Variants in UNC5D observed in about 807,000 individuals in gnomAD.
UNC5D encodes the protein netrin receptor UNC5D.
UNC5D carries 39 observed loss-of-function variants against 105.4 expected under a neutral mutation model. The observed-to-expected ratio is 0.37, with a 90% CI of 0.29 to 0.48. The LOEUF (loss-of-function observed/expected upper bound fraction) is 0.48, where lower values mean the gene tolerates loss of function less well. Among genes scored for constraint, UNC5D ranks in the 20% least tolerant of loss-of-function variants. The pLI is 0.98. For synonymous variants in UNC5D, 452 were observed against 450.4 expected (o/e 1.00, Z -0.04); for missense variants, 991 against 1,202.4 (o/e 0.82, Z 2.60).
chr8:35,685,835 T>A (rs529166525), intron 6 of UNC5D, among the ~76,000 whole-genome samples: 12 of 152,168 alleles, frequency 7.9e-5, no homozygotes, highest in Non-Finnish European at 1.8e-4. Flanking sequence ...CTATTCTTGA[T>A]TAATTGCTTT....
chr8:35,606,415 C>G (rs1044413484), intron 4 of UNC5D, among the ~76,000 whole-genome samples: 1 of 152,164 alleles, frequency 6.6e-6, no homozygotes, highest in African/African-American at 2.4e-5. Flanking sequence ...GTGCTGTTGT[C>G]TATGGCTTTC....
At chr8:35,295,777 C>T (rs1465012581) in intron 1 of UNC5D, among the ~76,000 whole-genome samples, 1 of 152,124 alleles carries the variant, frequency 6.6e-6, no homozygotes, top group Admixed American at 6.6e-5. Context: ...ATTAGCTCTC[C>T]AGAACTTCAT....
At chr8:35,347,360 T>A (rs542528358) in intron 1 of UNC5D, among the ~76,000 whole-genome samples, 1 of 152,092 alleles carries the variant, frequency 6.6e-6, no homozygotes, top group African/African-American at 2.4e-5. Context: ...ATTTTGAGGA[T>A]TTTGCTTACA....
intron 1 of UNC5D, among the ~76,000 whole-genome samples, chr8:35,237,046 T>C (rs940424095): frequency 6.6e-6 from 1 of 152,130 alleles, no homozygotes; most frequent in Non-Finnish European, 1.5e-5. Flanking sequence ...CAATGTTATC[T>C]CATTTTTATA....
At chr8:35,727,721 G>A (rs1828952641) in intron 10 of UNC5D, 1 of 152,130 alleles carries the variant, frequency 6.6e-6, no homozygotes, top group South Asian at 2.1e-4. Context: ...ATTGGTCAAT[G>A]TTTTAGGACA....
At chr8:35,480,063 G>A (rs1239085109) in intron 1 of UNC5D, among the ~76,000 whole-genome samples, 1 of 152,162 alleles carries the variant, frequency 6.6e-6, no homozygotes, top group Non-Finnish European at 1.5e-5. Flanking sequence ...TATCAGTGAA[G>A]TGTCATAAAT....
intron 4 of UNC5D, among the ~76,000 whole-genome samples, chr8:35,648,535 C>T (rs140636474): frequency 1.4e-3 from 214 of 151,864 alleles, no homozygotes; most frequent in African/African-American, 4.3e-3. Flanking sequence ...AAAAATTAGC[C>T]GGGTATGGTT....
chr8:35,519,735 T>C (rs1243659865), intron 1 of UNC5D, among the ~76,000 whole-genome samples: 1 of 151,984 alleles, frequency 6.6e-6, no homozygotes, highest in African/African-American at 2.4e-5. Context: ...AATACATGCA[T>C]TGACAAAGGT....
intron 1 of UNC5D, among the ~76,000 whole-genome samples, chr8:35,251,000 A>G (rs7820017): frequency 0.88 from 133,790 of 152,108 alleles, 59,005 homozygotes; most frequent in East Asian, 1. Context: ...GTGTATAAAC[A>G]TAGAAACTGT....
chr8:35,755,268 C>T (rs149418843), intron 13 of UNC5D, among the ~76,000 whole-genome samples: 3 of 152,174 alleles, frequency 2.0e-5, no homozygotes, highest in African/African-American at 7.2e-5. Context: ...TAGAAAAAAA[C>T]AACTAGGGTT....
intron 1 of UNC5D, among the ~76,000 whole-genome samples, chr8:35,249,684 C>G (rs936669367): frequency 2.6e-5 from 4 of 151,956 alleles, no homozygotes; most frequent in Non-Finnish European, 5.9e-5. Flanking sequence ...TCTCTTGTGA[C>G]CATAATAACG....
chr8:35,425,230 G>A (rs561154840), intron 1 of UNC5D, among the ~76,000 whole-genome samples: 1 of 152,274 alleles, frequency 6.6e-6, no homozygotes, highest in Admixed American at 6.5e-5. Flanking sequence ...TTCTCACAAA[G>A]GTGAATGTTA....
intron 1 of UNC5D, among the ~76,000 whole-genome samples, chr8:35,528,341 C>T (rs1814054898): frequency 6.6e-6 from 1 of 151,420 alleles, no homozygotes; most frequent in African/African-American, 2.4e-5. Flanking sequence ...ATGATGATTT[C>T]CAATTTCATC....
At chr8:35,538,069 A>G (rs1415580882) in intron 1 of UNC5D, among the ~76,000 whole-genome samples, 1 of 152,106 alleles carries the variant, frequency 6.6e-6, no homozygotes, top group Non-Finnish European at 1.5e-5. Flanking sequence ...GCTTAGTTGT[A>G]CAAAGTATTA....
intron 1 of UNC5D, among the ~76,000 whole-genome samples, chr8:35,462,803 G>C (rs1808994169): frequency 6.6e-6 from 1 of 152,156 alleles, no homozygotes; most frequent in African/African-American, 2.4e-5. Context: ...CTGCCCTATT[G>C]ATGGGTGTAA....
At chr8:35,714,552 A>G (rs543509746) in intron 8 of UNC5D, among the ~76,000 whole-genome samples, 97 of 152,348 alleles carry the variant, frequency 6.4e-4, no homozygotes, top group African/African-American at 2.3e-3. Context: ...CCTATTTAGA[A>G]CTAGGAGAAT....
intron 1 of UNC5D, among the ~76,000 whole-genome samples, chr8:35,402,307 A>G (rs1413558636): frequency 2.6e-5 from 4 of 152,198 alleles, no homozygotes; most frequent in African/African-American, 9.7e-5. Context: ...CCTCACAGTC[A>G]TGATGGAAGG....
At chr8:35,424,978 T>G (rs576270637) in intron 1 of UNC5D, among the ~76,000 whole-genome samples, 1 of 152,254 alleles carries the variant, frequency 6.6e-6, no homozygotes, top group East Asian at 1.9e-4. Context: ...GATCATGTAC[T>G]GGGCTGAAAT....
At chr8:35,533,955 C>G (rs1814631812) in intron 1 of UNC5D, among the ~76,000 whole-genome samples, 1 of 152,188 alleles carries the variant, frequency 6.6e-6, no homozygotes, top group African/African-American at 2.4e-5. Flanking sequence ...CTGGCACTCC[C>G]TAGTGAGATA....
Sources: allele counts gnomAD v4.1 joint callset (sites outside exome capture counted in the v4.1 genomes callset), GRCh38; gene constraint gnomAD v4.1.1; transcripts MANE v1.5; gene names NCBI Gene and HGNC (gene_info 2026-07-23, HGNC 2026-07-21).